The following KLF12 variants were observed in gnomAD, a reference collection of about 807,000 sequenced individuals.
KLF12 encodes the protein Krueppel-like factor 12.
A neutral mutation model predicts 37.8 loss-of-function variants in KLF12; 9 were observed. The ratio of observed to expected loss-of-function variants is 0.24; its 90% confidence interval spans 0.14 to 0.42. The LOEUF is 0.42. Among genes scored for constraint, KLF12 ranks in the 10% least tolerant of loss-of-function variants. The pLI is 1.00. For synonymous variants in KLF12, 208 were observed against 202.1 expected, an observed-to-expected ratio of 1.03 and a Z score of -0.25; for missense variants, 411 against 516.0, an observed-to-expected ratio of 0.80 and a Z score of 1.97.
the KLF12 span, among the ~76,000 whole-genome samples, chr13:74,297,207 A>G: frequency 6.6e-6 from 1 of 152,200 alleles, no homozygotes; most frequent in African/African-American, 2.4e-5. Flanking sequence ...GAAACAGGAA[A>G]TTGATCCCTG....
At chr13:73,724,413 T>A (rs1238391045) in intron 6 of KLF12, among the ~76,000 whole-genome samples, 1 of 152,148 alleles carries the variant, frequency 6.6e-6, no homozygotes, top group Non-Finnish European at 1.5e-5. Context: ...CATGAATTAT[T>A]GAAAGTTTTT....
chr13:73,842,416 A>G (rs552503517), intron 4 of KLF12, among the ~76,000 whole-genome samples: 1 of 152,308 alleles, frequency 6.6e-6, no homozygotes, highest in African/African-American at 2.4e-5. Context: ...ATTAGACTGT[A>G]AGCACTATGA....
the KLF12 span, among the ~76,000 whole-genome samples, chr13:74,239,571 A>G: frequency 1.8e-5 from 2 of 111,358 alleles, no homozygotes; most frequent in Non-Finnish European, 3.5e-5. Context: ...AATGTGTGGG[A>G]GTCTAAGTCT....
chr13:73,893,554 G>A (rs1887616585), intron 3 of KLF12, among the ~76,000 whole-genome samples: 1 of 151,596 alleles, frequency 6.6e-6, no homozygotes. Flanking sequence ...GCTAATTTTT[G>A]TATTTTTGGT....
At chr13:73,756,189 C>A (rs7987613) in intron 6 of KLF12, among the ~76,000 whole-genome samples, 6 of 151,966 alleles carry the variant, frequency 3.9e-5, no homozygotes, top group Non-Finnish European at 5.9e-5. Context: ...TCTTAAAGAG[C>A]CATAAAGACT....
chr13:74,204,454 T>C, the KLF12 span, among the ~76,000 whole-genome samples: 11 of 152,254 alleles, frequency 7.2e-5, no homozygotes, highest in South Asian at 1.7e-3. Context: ...TGTTAATAAA[T>C]GCAAAAATAC....
At chr13:73,765,510 G>A (rs141153978) in intron 5 of KLF12, among the ~76,000 whole-genome samples, 1 of 152,286 alleles carries the variant, frequency 6.6e-6, no homozygotes, top group Non-Finnish European at 1.5e-5. Context: ...AAGGAAGGGT[G>A]AACAGGTACT....
chr13:74,074,876 C>A (rs1886517), intron 1 of KLF12, among the ~76,000 whole-genome samples: 143,270 of 152,240 alleles, frequency 0.94, 68,003 homozygotes, highest in East Asian at 1. Context: ...AATGCTTGGA[C>A]TGTTCCTGGA....
the KLF12 span, among the ~76,000 whole-genome samples, chr13:74,285,410 A>G: frequency 6.6e-6 from 1 of 152,222 alleles, no homozygotes; most frequent in Non-Finnish European, 1.5e-5. Context: ...TGCTAAAGTC[A>G]TTTATCATTT....
At chr13:73,714,447 G>A (rs1482203886) in intron 7 of KLF12, among the ~76,000 whole-genome samples, 4 of 152,248 alleles carry the variant, frequency 2.6e-5, no homozygotes, top group African/African-American at 9.6e-5. Flanking sequence ...CTTCCAGTCA[G>A]TGGCAGATGC....
At chr13:73,913,116 G>A (rs1393013685) in intron 3 of KLF12, among the ~76,000 whole-genome samples, 1 of 152,166 alleles carries the variant, frequency 6.6e-6, no homozygotes, top group African/African-American at 2.4e-5. Flanking sequence ...CTGAGGCACA[G>A]TGTTTCTGTT....
chr13:74,279,992 A>G, the KLF12 span, among the ~76,000 whole-genome samples: 1 of 152,192 alleles, frequency 6.6e-6, no homozygotes, highest in Non-Finnish European at 1.5e-5. Context: ...TTTGGTCTGG[A>G]CAATGGGACA....
chr13:73,886,124 G>T (rs1023000213), intron 3 of KLF12, among the ~76,000 whole-genome samples: 7 of 152,124 alleles, frequency 4.6e-5, no homozygotes, highest in Admixed American at 4.6e-4. Flanking sequence ...AGGGACAAAG[G>T]TCACCAGGTA....
chr13:74,215,810 G>C, the KLF12 span, among the ~76,000 whole-genome samples: 1 of 152,262 alleles, frequency 6.6e-6, no homozygotes, highest in African/African-American at 2.4e-5. Context: ...AACACAGAAA[G>C]GTTGTGGGGA....
chr13:73,783,843 AC>A, intron 5 of KLF12, among the ~76,000 whole-genome samples: 1 of 152,090 alleles, frequency 6.6e-6, no homozygotes, highest in Non-Finnish European at 1.5e-5. Context: ...CTTTAACATG[AC>A]TGTAATGACT....
In KLF12 at chr13:73,687,214, A is replaced by T. The variant is rs1873545150; in HGVS notation, c.*8276T>A. 6.6e-6 allele frequency: 1 copy of T among 152,632 alleles called. No homozygotes were observed. The highest frequency in any genetic ancestry group is 1.5e-5 in the Non-Finnish European group (1 of 68,026). 9.5% of individuals were successfully genotyped at this position (152,632 alleles called of 1,614,324 possible). On this transcript the variant is annotated 3_prime_UTR_variant, in exon 8 of 8. Coordinates refer to ENST00000377669, the MANE Select transcript of KLF12 (RefSeq NM_007249.5). The stretch of plus-strand genomic sequence containing the variant: ...ATTGCATTATGATGCAGGATGACAT[A>T]ATACATAAGACGATGTTTTCAAGCT...
chr13:73,885,980 T>C (rs1887205037), intron 3 of KLF12, among the ~76,000 whole-genome samples: 1 of 152,068 alleles, frequency 6.6e-6, no homozygotes, highest in East Asian at 1.9e-4. Flanking sequence ...TCGAGGAAGG[T>C]TGGTGTTACT....
rs369050824 is a variant in KLF12 at position 74,081,131 on chromosome 13, TA to T, written c.-32+52607del. ...GTCAACCAATTAAACAGCAGTGTAG[TA>T]AAAGAGGCAAATAAAATAGGTCTCA... is the stretch of plus-strand genomic sequence containing the variant. On this transcript the variant is annotated intron_variant, in intron 1 of 7. Coordinates refer to ENST00000377669, the MANE Select transcript of KLF12 (RefSeq NM_007249.5). 8.5e-5 allele frequency among the ~76,000 whole-genome samples: 13 copies of T among 152,272 alleles called. No individual in the cohort carries two copies. The East Asian group carries it at 2.5e-3, about 29-fold the overall frequency.
the KLF12 span, among the ~76,000 whole-genome samples, chr13:74,260,578 T>G: frequency 2.6e-5 from 2 of 77,408 alleles, no homozygotes; most frequent in African/African-American, 2.2e-4. Flanking sequence ...ATAAAATAAA[T>G]AAAATAAAAT....
Sources: allele counts gnomAD v4.1 joint callset (sites outside exome capture counted in the v4.1 genomes callset), GRCh38; gene constraint gnomAD v4.1.1; transcripts MANE v1.5; gene names NCBI Gene and HGNC (gene_info 2026-07-23, HGNC 2026-07-21).